Variants in ADGRB3 observed in about 807,000 individuals in gnomAD.
The protein encoded by ADGRB3 is adhesion G protein-coupled receptor B3, also known as brain-specific angiogenesis inhibitor 3.
Under a neutral mutation model 193.4 loss-of-function variants are expected in ADGRB3, and 37 were observed. That is an observed-to-expected ratio of 0.19 (90% CI 0.15 to 0.25). The LOEUF (loss-of-function observed/expected upper bound fraction) is 0.25, where lower values mean the gene tolerates loss of function less well. Among genes scored for constraint, ADGRB3 ranks in the 10% least tolerant of loss-of-function variants. The pLI is 1.00. For synonymous variants in ADGRB3, 690 were observed against 644.2 expected, an observed-to-expected ratio of 1.07 and a Z score of -1.08; for missense variants, 1,637 against 1,852.9, an observed-to-expected ratio of 0.88 and a Z score of 2.14.
In ADGRB3 at chr6:69,332,690, A is replaced by C. The variant is rs1768755378; in HGVS notation, c.3103-233A>C. 8.1e-6 allele frequency: 8 copies of C among 985,420 alleles called. No individual in the cohort carries two copies. The South Asian group carries it at 3.8e-4, about 46-fold the overall frequency. 61.0% of individuals were successfully genotyped at this position (985,420 alleles called of 1,614,324 possible). A position where few individuals can be genotyped will look rare whatever the true frequency, so the allele number is the denominator to read the frequency against. Reference sequence around the variant, plus strand: ...ATTGAAGGTTAATTTCCCCAGTGTTAACTGCAAAGCATGGAAATTAAATGA... The same window carrying C: ...ATTGAAGGTTAATTTCCCCAGTGTTCACTGCAAAGCATGGAAATTAAATGA... On this transcript the variant is annotated intron_variant, in intron 23 of 31. Transcript: ENST00000370598.
intron 17 of ADGRB3, among the ~76,000 whole-genome samples, chr6:69,082,382 G>A (rs901852315): frequency 1.3e-4 from 19 of 151,954 alleles, no homozygotes; most frequent in Admixed American, 1.1e-3. Flanking sequence ...TTGAAATATA[G>A]ATTCACCCAT....
chr6:68,899,457 A>G (rs1766332417), intron 3 of ADGRB3, among the ~76,000 whole-genome samples: 1 of 102,646 alleles, frequency 9.7e-6, no homozygotes, highest in South Asian at 3.5e-4. Flanking sequence ...CCACCCCACA[A>G]CAGTCCCCAG....
rs558121433 is a variant in ADGRB3, at chr6:68,905,881, TTC to T, written c.758-24675_758-24674del. On this transcript the variant is annotated intron_variant, in intron 3 of 31. Transcript: ENST00000370598. ...TGCCTCAGTTTTCTCACAACCTACTTTCTCCTCAAATACACAAATCTAGTTTC... is the reference window on the plus strand; with the variant it reads ...TGCCTCAGTTTTCTCACAACCTACTTTCCTCAAATACACAAATCTAGTTTC... 1.2e-4 allele frequency among the ~76,000 whole-genome samples: 18 copies of T among 152,234 alleles called. No individual in the cohort carries two copies. In the South Asian group the frequency reaches 3.3e-3, roughly 28 times the overall value.
chr6:68,977,504 A>G (rs1177758725), intron 10 of ADGRB3, among the ~76,000 whole-genome samples: 5 of 152,170 alleles, frequency 3.3e-5, no homozygotes, highest in Non-Finnish European at 1.5e-5. Context: ...GTACTGCAAC[A>G]TTTAAATGGG....
chr6:69,331,106 G>A (rs1381152650), intron 23 of ADGRB3, among the ~76,000 whole-genome samples: 1 of 152,016 alleles, frequency 6.6e-6, no homozygotes, highest in Non-Finnish European at 1.5e-5. Context: ...CTACATACCA[G>A]TAGTACCCCC....
chr6:69,024,869 G>A (rs968593365), intron 13 of ADGRB3, among the ~76,000 whole-genome samples: 16 of 152,202 alleles, frequency 1.1e-4, no homozygotes, highest in African/African-American at 3.6e-4. Flanking sequence ...GAGGCAGGCG[G>A]ATCATGAGGT....
intron 3 of ADGRB3, among the ~76,000 whole-genome samples, chr6:68,661,147 G>A (rs907338251): frequency 4.7e-5 from 7 of 149,638 alleles, no homozygotes; most frequent in African/African-American, 1.7e-4. Context: ...ATGGCAAACA[G>A]GATTTATTTG....
In ADGRB3 at chr6:69,278,329, C is replaced by T. The variant is rs181037070; in HGVS notation, c.2814+39103C>T. On this transcript the variant is annotated intron_variant, in intron 20 of 31. Transcript: ENST00000370598. ...TGCCATAACTTCATCCTCCCTTCAT[C>T]AAGACATTAAAAAATGTTAATTATA... Among the ~76,000 whole-genome samples the T allele has an allele frequency of 2.6e-3, 396 of 152,296 alleles. 2 individuals carry two copies. The highest frequency in any genetic ancestry group is 4.1e-3 in the Non-Finnish European group (282 of 68,028).
intron 20 of ADGRB3, among the ~76,000 whole-genome samples, chr6:69,289,552 C>G (rs938803203): frequency 6.6e-6 from 1 of 152,164 alleles, no homozygotes; most frequent in Non-Finnish European, 1.5e-5. Flanking sequence ...CTCCAGCCCA[C>G]TAGTTACATG....
chr6:68,925,020 T>C (rs901979770), intron 3 of ADGRB3, among the ~76,000 whole-genome samples: 2 of 151,930 alleles, frequency 1.3e-5, no homozygotes, highest in Non-Finnish European at 2.9e-5. Context: ...TTAGTATATT[T>C]ATAATCAGTA....
At chr6:69,216,312 G>A (rs1765771240) in intron 17 of ADGRB3, among the ~76,000 whole-genome samples, 1 of 152,118 alleles carries the variant, frequency 6.6e-6, no homozygotes, top group African/African-American at 2.4e-5. Flanking sequence ...CCTAGAATTA[G>A]TGAGAAAATT....
intron 20 of ADGRB3, among the ~76,000 whole-genome samples, chr6:69,322,412 C>T (rs369454625): frequency 6.6e-6 from 1 of 151,854 alleles, no homozygotes; most frequent in South Asian, 2.1e-4. Flanking sequence ...GTCTTTAGGT[C>T]TCTGAGGAAT....
intron 20 of ADGRB3, among the ~76,000 whole-genome samples, chr6:69,249,148 T>C (rs543245273): frequency 2.0e-5 from 3 of 152,262 alleles, no homozygotes; most frequent in African/African-American, 7.2e-5. Context: ...CGGCTAATTA[T>C]TGTATTTTTA....
intron 31 of ADGRB3, among the ~76,000 whole-genome samples, chr6:69,387,909 C>T (rs1307790603): frequency 6.6e-6 from 1 of 151,700 alleles, no homozygotes; most frequent in African/African-American, 2.4e-5. Context: ...ACATGACATT[C>T]TATAATGAAA....
At chr6:69,015,509 AAT>A (rs1770061712) in intron 12 of ADGRB3, among the ~76,000 whole-genome samples, 2 of 152,140 alleles carry the variant, frequency 1.3e-5, no homozygotes, top group South Asian at 4.1e-4. Context: ...CGGTGTCATA[AAT>A]GCAGCCGTGT....
At chr6:69,074,657 G>T (rs569776247) in intron 16 of ADGRB3, among the ~76,000 whole-genome samples, 2 of 150,544 alleles carry the variant, frequency 1.3e-5, no homozygotes, top group South Asian at 4.2e-4. Context: ...ACATTCTCCT[G>T]CCTCAGCCTC....
At chr6:68,639,564 A>G in intron 3 of ADGRB3, 132 bp downstream of exon 3, 1 of 1,253,756 alleles carries the variant, frequency 8.0e-7, no homozygotes, top group Non-Finnish European at 1.1e-6. Flanking sequence ...GATTTGTGCT[A>G]TTCACTGATA....
intron 20 of ADGRB3, among the ~76,000 whole-genome samples, chr6:69,254,352 A>C (rs1178662649): frequency 6.6e-6 from 1 of 152,150 alleles, no homozygotes. Context: ...TCTGTTATTA[A>C]TACAGCCTGG....
chr6:69,094,042 A>T (rs1049180244), intron 17 of ADGRB3, among the ~76,000 whole-genome samples: 1 of 152,210 alleles, frequency 6.6e-6, no homozygotes, highest in Non-Finnish European at 1.5e-5. Flanking sequence ...TGATGCTCTT[A>T]CAGGAATCCA....
Sources: gnomAD v4.1 joint callset for allele counts (sites outside exome capture counted in the v4.1 genomes callset) on GRCh38, gnomAD v4.1.1 for gene constraint, MANE v1.5 for transcripts, NCBI Gene and HGNC (gene_info 2026-07-23, HGNC 2026-07-21) for gene names.